The following AMOTL1 variants were observed in gnomAD, a reference collection of about 807,000 sequenced individuals.
The protein encoded by AMOTL1 is angiomotin-like protein 1.
AMOTL1 carries 45 observed loss-of-function variants against 102.9 expected under a neutral mutation model. The ratio of observed to expected loss-of-function variants is 0.44; its 90% CI spans 0.34 to 0.56. AMOTL1 has a LOEUF of 0.56. Among genes scored for constraint, AMOTL1 ranks in the 20% least tolerant of loss-of-function variants. The probability of loss-of-function intolerance (pLI) is 0.01; values close to 1 mark genes in which losing one functional copy is unlikely to be tolerated. For synonymous variants in AMOTL1, 481 were observed against 484.7 expected (o/e 0.99, Z 0.10); for missense variants, 1,114 against 1,225.6 (o/e 0.91, Z 1.36).
At position 94,870,730 on chromosome 11, in the gene AMOTL1, C is replaced by T. The variant is rs2135747675; in HGVS notation, c.2806C>T (p.Arg936Trp). Residue 936 changes from arginine to tryptophan, a missense_variant, in exon 13 of 13, where the codon CGG becomes TGG. Coordinates refer to ENST00000433060, the MANE Select transcript of AMOTL1 (RefSeq NM_130847.3). ...TGGGAAGTCGCCTGACCACAGAGGC[C>T]GGGTCAGCAGCTTGCTGCACAAGCC... is the stretch of plus-strand genomic sequence containing the variant. Reference protein sequence around the residue: ...GHGKSPDHRGRVSSLLHKPEF... With the variant: ...GHGKSPDHRGWVSSLLHKPEF... The T allele has an allele frequency of 1.2e-6, 2 of 1,604,458 alleles. No homozygotes were observed. Among genetic ancestry groups the T allele is most frequent in the Non-Finnish European group, 1.7e-6 (2 of 1,174,790 alleles).
chr11:94,808,518 C>T (rs1170876980), intron 3 of AMOTL1, among the ~76,000 whole-genome samples: 2 of 151,924 alleles, frequency 1.3e-5, no homozygotes, highest in African/African-American at 2.4e-5. Flanking sequence ...CCTAATAGCC[C>T]AATTATAAAG....
In AMOTL1 at chr11:94,827,010, G is replaced by A. The variant is rs565943126; in HGVS notation, c.1414-3040G>A. 5.9e-5 allele frequency among the ~76,000 whole-genome samples: 9 copies of A among 152,258 alleles called. No homozygotes were observed. In the South Asian group the frequency reaches 1.9e-3, roughly 32 times the overall value. ...TTCCTTTGACAGTATGCAGAGGGAG[G>A]TTCTTTGAGTAAAAGGAAAGAATGC... On this transcript the variant is annotated intron_variant, in intron 4 of 12. Coordinates refer to ENST00000433060, the MANE Select transcript of AMOTL1 (RefSeq NM_130847.3).
chr11:94,847,069 A>G (rs1466010105), intron 6 of AMOTL1, among the ~76,000 whole-genome samples: 1 of 152,204 alleles, frequency 6.6e-6, no homozygotes, highest in African/African-American at 2.4e-5. Context: ...CTGGAGCTTG[A>G]AGTCTAAAGT....
intron 6 of AMOTL1, among the ~76,000 whole-genome samples, chr11:94,849,051 A>G (rs1356030896): frequency 1.3e-5 from 2 of 152,158 alleles, no homozygotes; most frequent in Non-Finnish European, 2.9e-5. Context: ...GCACAGAGAA[A>G]TCCATTTCTA....
chr11:94,864,594 G>A, intron 9 of AMOTL1, 141 bp from the exon 10 acceptor site: 4 of 1,178,584 alleles, frequency 3.4e-6, no homozygotes, highest in Admixed American at 2.5e-5. Context: ...AATTGGGAGG[G>A]AAAGGCTTCA....
At chr11:94,862,239 CAATCTT>C (rs1359364833) in intron 9 of AMOTL1, among the ~76,000 whole-genome samples, 1 of 152,146 alleles carries the variant, frequency 6.6e-6, no homozygotes, top group Non-Finnish European at 1.5e-5. Context: ...CAGATAGCTC[CAATCTT>C]AATGTTCTTT....
intron 1 of AMOTL1, among the ~76,000 whole-genome samples, chr11:94,786,636 C>G (rs1170251404): frequency 6.6e-6 from 1 of 151,982 alleles, no homozygotes; most frequent in Non-Finnish European, 1.5e-5. Flanking sequence ...GATGTTACTT[C>G]TAACATTATG....
intron 9 of AMOTL1, 111 bp downstream of exon 9, chr11:94,859,826 T>C: frequency 8.3e-7 from 1 of 1,209,898 alleles, no homozygotes; most frequent in African/African-American, 1.5e-5. Flanking sequence ...TGAAGTCAGC[T>C]AAAAATTATT....
intron 3 of AMOTL1, among the ~76,000 whole-genome samples, chr11:94,820,790 A>G (rs1951850534): frequency 6.6e-6 from 1 of 152,164 alleles, no homozygotes; most frequent in Non-Finnish European, 1.5e-5. Flanking sequence ...TTAGATTATC[A>G]TAAGGAACAA....
intron 2 of AMOTL1, among the ~76,000 whole-genome samples, chr11:94,736,893 C>T (rs766825680): frequency 6.6e-6 from 1 of 152,176 alleles, no homozygotes; most frequent in African/African-American, 2.4e-5. Flanking sequence ...GTCTGCAGTG[C>T]CTTGCACAGC....
At chr11:94,715,728 A>G (rs1044671627) in intron 1 of AMOTL1, among the ~76,000 whole-genome samples, 1 of 152,014 alleles carries the variant, frequency 6.6e-6, no homozygotes, top group Non-Finnish European at 1.5e-5. Context: ...CTGTCATTCA[A>G]ATTTGTGTTT....
At chr11:94,838,771 C>T (rs2135680913) in intron 6 of AMOTL1, among the ~76,000 whole-genome samples, 1 of 152,340 alleles carries the variant, frequency 6.6e-6, no homozygotes, top group East Asian at 1.9e-4. Flanking sequence ...CTTAATCCCA[C>T]ATCAGGGGAA....
chr11:94,859,178 G>A (rs1264455100), intron 8 of AMOTL1, among the ~76,000 whole-genome samples: 1 of 152,188 alleles, frequency 6.6e-6, no homozygotes, highest in Non-Finnish European at 1.5e-5. Context: ...TGCTTTTGGT[G>A]TAATTAACTG....
In AMOTL1 at chr11:94,867,613, C is replaced by G. The variant is rs141348263; in HGVS notation, c.2488+1445C>G. On this transcript the variant is annotated intron_variant, in intron 11 of 12. Coordinates refer to ENST00000433060, the MANE Select transcript of AMOTL1 (RefSeq NM_130847.3). ...TCCACGTGTCACAAACACAGGGACT[C>G]TCCAAGGGGCTGAGGCAGGTTCATG... is the stretch of plus-strand genomic sequence containing the variant. Among the ~76,000 whole-genome samples, 1,304 of 151,502 alleles carry G rather than the reference C, an allele frequency of 8.6e-3. 16 individuals carry two copies. The highest frequency in any genetic ancestry group is 0.051 in the South Asian group (243 of 4,792).
At chr11:94,863,488 A>C (rs1952815432) in intron 9 of AMOTL1, among the ~76,000 whole-genome samples, 1 of 152,140 alleles carries the variant, frequency 6.6e-6, no homozygotes, top group Admixed American at 6.5e-5. Context: ...GCTACTTGGA[A>C]GGCTGAGACA....
At chr11:94,795,323 T>A (rs1591973068) in intron 2 of AMOTL1, among the ~76,000 whole-genome samples, 163 bp downstream of exon 2, 1 of 152,332 alleles carries the variant, frequency 6.6e-6, no homozygotes, top group South Asian at 2.1e-4. Context: ...TTTTTAATCA[T>A]GTTTTGCTAT....
Position 94,799,555 on chromosome 11 carries a change from A to G in AMOTL1, c.365A>G (p.Gln122Arg), listed in dbSNP as rs759475058. The G allele has an allele frequency of 6.2e-7, 1 of 1,613,766 alleles. No individual in the cohort carries two copies. The highest frequency in any genetic ancestry group is 8.5e-7 in the Non-Finnish European group (1 of 1,179,820). The change falls in exon 3 of 13, where the codon CAG becomes CGG. Residue 122 changes from glutamine to arginine, a missense_variant. By Grantham distance (43) the Gln-to-Arg change is conservative. Transcript: ENST00000433060. The surrounding 1 kb of genome is among the most constrained non-coding windows in gnomAD (Gnocchi z 4.5). ...PTENMNLLAI[Q>R]HQATGSAGPA... ...GAGAACATGAACTTGCTGGCCATTC[A>G]GCACCAGGCCACAGGGAGTGCAGGA...
intron 3 of AMOTL1, among the ~76,000 whole-genome samples, chr11:94,763,287 G>A (rs903832287): frequency 1.2e-4 from 18 of 149,536 alleles, no homozygotes; most frequent in African/African-American, 4.6e-4. Context: ...CTCTCCTTAC[G>A]ACAATGTACA....
intron 1 of AMOTL1, among the ~76,000 whole-genome samples, chr11:94,725,007 C>T (rs1448667465): frequency 6.6e-6 from 1 of 152,098 alleles, no homozygotes; most frequent in Non-Finnish European, 1.5e-5. Flanking sequence ...AATGTACGAC[C>T]AGGGTTTTTC....
Sources: gnomAD v4.1 joint callset for allele counts (sites outside exome capture counted in the v4.1 genomes callset) on GRCh38, gnomAD v4.1.1 for gene constraint, Gnocchi (gnomAD v3.1) non-coding constraint, MANE v1.5 for transcripts, NCBI Gene and HGNC (gene_info 2026-07-23, HGNC 2026-07-21) for gene names.